The following GRIK5 variants were observed in gnomAD, a reference collection of about 807,000 sequenced individuals.
GRIK5 encodes glutamate ionotropic receptor kainate type subunit 5.
Under a neutral mutation model 97.4 loss-of-function variants are expected in GRIK5, and 43 were observed. That is an observed-to-expected ratio of 0.44 (90% CI 0.35 to 0.57). The LOEUF (loss-of-function observed/expected upper bound fraction) is 0.57. Ranked by LOEUF, GRIK5 falls within the 20% of genes least tolerant of loss-of-function variation. The pLI is 0.01. For missense variants in GRIK5, 1,015 were observed against 1,382.0 expected (o/e 0.73, Z 4.21); for synonymous variants, 580 against 583.5 (o/e 0.99, Z 0.09).
At chr19:42,037,300 A>C (rs2075918380) in intron 12 of GRIK5, among the ~76,000 whole-genome samples, 2 of 152,180 alleles carry the variant, frequency 1.3e-5, no homozygotes, top group Non-Finnish European at 2.9e-5. Flanking sequence ...TCTCCACTAA[A>C]AATACAAAAA....
At chr19:42,039,080 C>T (rs775844108) in intron 12 of GRIK5, among the ~76,000 whole-genome samples, 1 of 152,166 alleles carries the variant, frequency 6.6e-6, no homozygotes, top group Non-Finnish European at 1.5e-5. Flanking sequence ...GACGTTCTCC[C>T]GCCTGAGGCC....
In GRIK5 at chr19:42,022,065, A is replaced by C; in HGVS notation, c.1588-9T>G. 1.3e-6 allele frequency: 2 copies of C among 1,588,130 alleles called. No homozygotes were observed. The highest frequency in any genetic ancestry group is 1.7e-6 in the Non-Finnish European group (2 of 1,158,852). ...TAGCCAGGCTTGCGGCCCTGTGGGG[A>C]GAGGGAGTGAGACCCGGAGACACCC... On this transcript the variant is annotated splice_polypyrimidine_tract_variant and intron_variant, in intron 13 of 19. Transcript: ENST00000593562. The surrounding 1 kb of genome is among the most constrained non-coding windows in gnomAD (Gnocchi z 4.2).
chr19:42,008,590 A>G (rs1339847024), intron 15 of GRIK5, among the ~76,000 whole-genome samples: 1 of 152,084 alleles, frequency 6.6e-6, no homozygotes, highest in Non-Finnish European at 1.5e-5. Context: ...TCACCACTGC[A>G]CTCTGGCCTG....
rs1396450665 is a variant in GRIK5, at chr19:42,022,495, T to C, written c.1474-141A>G. 4 of 1,465,756 alleles carry C rather than the reference T, an allele frequency of 2.7e-6. No homozygotes were observed. The highest frequency in any genetic ancestry group is 2.8e-5 in the South Asian group (2 of 72,128). The allele number at this position is 1,465,756 out of a possible 1,614,324, so 90.8% of individuals were successfully genotyped here. On this transcript the variant is annotated intron_variant, in intron 12 of 19. Coordinates refer to ENST00000593562, the MANE Select transcript of GRIK5 (RefSeq NM_002088.5). This position sits in a 1 kb window ranked among gnomAD's most constrained non-coding sequence, Gnocchi z 4.2. ...TAGGGAGGGGGAGGGGCCAGGAGCATGGACTGACTCCAGGAGCCCACCTTG... is the reference window on the plus strand; with the variant it reads ...TAGGGAGGGGGAGGGGCCAGGAGCACGGACTGACTCCAGGAGCCCACCTTG...
In GRIK5 at chr19:42,065,454, G is replaced by C; in HGVS notation, c.80-67C>G. On this transcript the variant is annotated intron_variant, in intron 2 of 19. Transcript: ENST00000593562. This position sits in a 1 kb window ranked among gnomAD's most constrained non-coding sequence, Gnocchi z 5.8. ...GAGGAAGGAGGGGGCTGTGGTCTTA[G>C]ACTCCAGGGCTCTAGGGTGAGGTGG... 1 of 1,482,182 alleles carries C rather than the reference G, an allele frequency of 6.7e-7. No homozygotes were observed. The highest frequency in any genetic ancestry group is 9.1e-7 in the Non-Finnish European group (1 of 1,098,534). 91.8% of individuals were successfully genotyped at this position (1,482,182 alleles called of 1,614,324 possible).
intron 1 of GRIK5, among the ~76,000 whole-genome samples, chr19:42,067,833 G>A (rs1173647477): frequency 6.6e-6 from 1 of 152,194 alleles, no homozygotes; most frequent in Non-Finnish European, 1.5e-5. Flanking sequence ...GACAGAGACA[G>A]GGCAGGTAGG....
rs573368448 is a variant in GRIK5, at chr19:42,035,200, C to T, written c.1473+7352G>A. Among the ~76,000 whole-genome samples the T allele has an allele frequency of 5.3e-5, 8 of 151,748 alleles. No homozygotes were observed. The East Asian group carries it at 1.6e-3, about 30-fold the overall frequency. ...TTCTCCATGTTGGTCAGGCTGGTCT[C>T]GAATTCCCAACCTCAGGTGATCCGC... On this transcript the variant is annotated intron_variant, in intron 12 of 19. Transcript: ENST00000593562.
intron 12 of GRIK5, among the ~76,000 whole-genome samples, chr19:42,026,016 T>C (rs910473979): frequency 1.3e-5 from 2 of 152,222 alleles, no homozygotes; most frequent in Non-Finnish European, 2.9e-5. Flanking sequence ...TTAGAGACAG[T>C]GTCTTGCTTT....
intron 1 of GRIK5, among the ~76,000 whole-genome samples, chr19:42,067,499 C>T (rs145674441): frequency 2.7e-4 from 41 of 152,158 alleles, no homozygotes; most frequent in Non-Finnish European, 4.7e-4. Context: ...CTGGGAGACC[C>T]GGAGGAGCGC....
chr19:42,003,370 A>T lies in GRIK5; in HGVS notation c.2476T>A (p.Phe826Ile). The stretch of plus-strand genomic sequence containing the variant: ...GCTGACCTCCGTGTGGACCATATGA[A>T]TTCCATGACCGCCACGAAGACAGCA... The part of the protein sequence containing the change: ...IIAVFVAVME[F>I]IWSTRRSAES... Residue 826 changes from phenylalanine (F) to isoleucine (I), a missense_variant, in exon 19 of 20, where the codon TTC (phenylalanine) becomes ATC (isoleucine). Physicochemically the swap from Phe to Ile is conservative, Grantham distance 21. Coordinates refer to ENST00000593562, the MANE Select transcript of GRIK5 (RefSeq NM_002088.5). The surrounding 1 kb of genome is among the most constrained non-coding windows in gnomAD (Gnocchi z 4.2). 6.2e-7 allele frequency: 1 copy of T among 1,613,462 alleles called. No homozygotes were observed. The highest frequency in any genetic ancestry group is 8.5e-7 in the Non-Finnish European group (1 of 1,179,738).
intron 12 of GRIK5, among the ~76,000 whole-genome samples, chr19:42,041,987 A>G (rs1283785713): frequency 2.0e-5 from 3 of 152,170 alleles, no homozygotes; most frequent in Non-Finnish European, 4.4e-5. Context: ...TCTTGGGGGC[A>G]GGGTCCAGAT....
chr19:42,058,825 CAAAAA>C (rs768060100), intron 6 of GRIK5, among the ~76,000 whole-genome samples: 1 of 62,756 alleles, frequency 1.6e-5, no homozygotes. Context: ...GACTCCGTCT[CAAAAA>C]AAAAAAAAAA....
At chr19:42,060,242 TAA>T (rs77481925) in intron 5 of GRIK5, among the ~76,000 whole-genome samples, 2 of 141,776 alleles carry the variant, frequency 1.4e-5, no homozygotes, top group Non-Finnish European at 3.1e-5. Context: ...GCCATCTCTT[TAA>T]AAAAAAAAAA....
At chr19:42,001,869 G>A (rs1322978793) in intron 19 of GRIK5, 1 of 528,566 alleles carries the variant, frequency 1.9e-6, no homozygotes, top group African/African-American at 1.9e-5. Context: ...GGTCTTAAGA[G>A]CCATTTGGCT....
intron 6 of GRIK5, among the ~76,000 whole-genome samples, chr19:42,058,582 C>T (rs2076217775): frequency 6.7e-6 from 1 of 149,094 alleles, no homozygotes; most frequent in South Asian, 2.1e-4. Context: ...AATTCCAGCA[C>T]TTTGGGAGGC....
intron 5 of GRIK5, among the ~76,000 whole-genome samples, chr19:42,061,933 AT>A (rs1282841356): frequency 1.3e-5 from 2 of 152,058 alleles, no homozygotes; most frequent in African/African-American, 4.8e-5. Context: ...TTGTTCTCAC[AT>A]TTCAGCCACT....
At chr19:42,051,287 G>A (rs1235403509) in intron 11 of GRIK5, among the ~76,000 whole-genome samples, 2 of 151,974 alleles carry the variant, frequency 1.3e-5, no homozygotes, top group African/African-American at 2.4e-5. Flanking sequence ...CTATCTCAGC[G>A]CCAGCCCATC....
In GRIK5 at chr19:41,998,826, C is replaced by T. The variant is rs1249534723; in HGVS notation, c.*45G>A. On this transcript the variant is annotated 3_prime_UTR_variant, in exon 20 of 20. Transcript: ENST00000593562. ...AGACTGCTGGGGCCTGGGGCGGGCC[C>T]CGTCCCTTCGGTCAGTCCGGGCGCC... 45 of 1,021,018 alleles carry T rather than the reference C, an allele frequency of 4.4e-5. No homozygotes were observed. The highest frequency in any genetic ancestry group is 5.1e-5 in the Non-Finnish European group (42 of 830,224). 63.2% of individuals were successfully genotyped at this position (1,021,018 alleles called of 1,614,324 possible).
rs894448465 is a variant in GRIK5 at position 42,042,476 on chromosome 19, C to T, written c.1473+76G>A. The T allele has an allele frequency of 9.0e-6, 12 of 1,335,426 alleles. No homozygotes were observed. Among genetic ancestry groups the T allele is most frequent in the African/African-American group, 4.3e-5 (3 of 69,756 alleles). The allele number at this position is 1,335,426 out of a possible 1,614,324, so 82.7% of individuals were successfully genotyped here. ...CACCAGCCAGGCTGCTTCTGAGGTT[C>T]GACTGGCTGCCCAGCTGCCCGCCCT... On this transcript the variant is annotated intron_variant, in intron 12 of 19. Transcript: ENST00000593562. The surrounding 1 kb of genome is among the most constrained non-coding windows in gnomAD (Gnocchi z 6.9).
Sources: gnomAD v4.1 joint callset for allele counts (sites outside exome capture counted in the v4.1 genomes callset) on GRCh38, gnomAD v4.1.1 for gene constraint, Gnocchi (gnomAD v3.1) non-coding constraint, MANE v1.5 for transcripts, NCBI Gene and HGNC (gene_info 2026-07-23, HGNC 2026-07-21) for gene names.